Variants in ZNF385D observed in about 807,000 individuals in gnomAD.
The protein encoded by ZNF385D is zinc finger protein 385D.
In ZNF385D, 15 loss-of-function variants were observed where a neutral mutation model predicts 35.8. The ratio of observed to expected loss-of-function variants is 0.42; its 90% confidence interval spans 0.28 to 0.64. ZNF385D has a LOEUF of 0.64. Ranked by LOEUF, ZNF385D falls within the 30% of genes least tolerant of loss-of-function variation. The pLI, the probability that ZNF385D is intolerant of heterozygous loss-of-function variation, is 0.23. For synonymous variants in ZNF385D, 212 were observed against 186.8 expected, an observed-to-expected ratio of 1.13 and a Z score of -1.10; for missense variants, 474 against 494.6, an observed-to-expected ratio of 0.96 and a Z score of 0.39.
intron 3 of ZNF385D, among the ~76,000 whole-genome samples, chr3:22,129,931 G>A (rs1172044120): frequency 1.3e-5 from 2 of 152,094 alleles, no homozygotes; most frequent in African/African-American, 2.4e-5. Context: ...GGTCACACCT[G>A]AAGCCAGCAT....
rs529258143 is a variant in ZNF385D, at chr3:21,546,303, A to G, written c.276+18271T>C. ...CCGGATTGATACTCTAGTTCTGAGC[A>G]ATTATCCTGCAAATCCTATCCGGTG... is the stretch of plus-strand genomic sequence containing the variant. On this transcript the variant is annotated intron_variant, in intron 3 of 7. Transcript: ENST00000281523. Among the ~76,000 whole-genome samples, 108 of 152,236 alleles carry G rather than the reference A, an allele frequency of 7.1e-4. 1 individual carries two copies. The highest frequency in any genetic ancestry group is 2.6e-3 in the African/African-American group (107 of 41,566).
chr3:22,024,986 G>A (rs567903559), intron 3 of ZNF385D, among the ~76,000 whole-genome samples: 12 of 152,254 alleles, frequency 7.9e-5, no homozygotes, highest in Non-Finnish European at 1.6e-4. Context: ...TGGCTGACCT[G>A]AAACAAAAGA....
At chr3:21,619,370 T>G (rs980521737) in intron 2 of ZNF385D, among the ~76,000 whole-genome samples, 5 of 152,058 alleles carry the variant, frequency 3.3e-5, no homozygotes, top group Non-Finnish European at 7.4e-5. Context: ...TACAGAAGAC[T>G]TGAAATGTAA....
intron 3 of ZNF385D, among the ~76,000 whole-genome samples, chr3:21,967,623 G>A (rs1412935384): frequency 6.6e-6 from 1 of 152,156 alleles, no homozygotes; most frequent in Non-Finnish European, 1.5e-5. Context: ...TTTGACATAT[G>A]CCAAGATATG....
At chr3:21,861,801 G>T (rs1697068415) in intron 3 of ZNF385D, among the ~76,000 whole-genome samples, 1 of 152,096 alleles carries the variant, frequency 6.6e-6, no homozygotes, top group African/African-American at 2.4e-5. Context: ...CTCTCACTCA[G>T]TGTCTTTGGT....
chr3:22,151,798 G>A (rs368463696), intron 3 of ZNF385D, among the ~76,000 whole-genome samples: 4 of 152,116 alleles, frequency 2.6e-5, no homozygotes, highest in African/African-American at 4.8e-5. Context: ...ATTAACCACC[G>A]TGAGCCCTTT....
At chr3:21,954,460 G>C (rs1338772769) in intron 3 of ZNF385D, among the ~76,000 whole-genome samples, 1 of 151,946 alleles carries the variant, frequency 6.6e-6, no homozygotes, top group Non-Finnish European at 1.5e-5. Context: ...GTAACACTTA[G>C]AATAACTCCT....
At chr3:22,227,185 G>GT (rs1482928048) in intron 2 of ZNF385D, among the ~76,000 whole-genome samples, 2 of 151,506 alleles carry the variant, frequency 1.3e-5, no homozygotes, top group African/African-American at 4.9e-5. Flanking sequence ...TGTATGTGGG[G>GT]CGGGGGGGGT....
At chr3:22,169,545 CTGGA>C (rs1214606495) in intron 2 of ZNF385D, among the ~76,000 whole-genome samples, 2 of 152,226 alleles carry the variant, frequency 1.3e-5, no homozygotes, top group African/African-American at 4.8e-5. Flanking sequence ...TGACTTACAT[CTGGA>C]TGGACACATT....
intron 2 of ZNF385D, among the ~76,000 whole-genome samples, chr3:22,189,651 G>A (rs1299001332): frequency 1.3e-5 from 2 of 152,084 alleles, no homozygotes; most frequent in African/African-American, 4.8e-5. Context: ...CCTAGAAAGA[G>A]GCATTACAGA....
At chr3:21,844,289 A>T (rs1695862393) in intron 3 of ZNF385D, among the ~76,000 whole-genome samples, 1 of 151,978 alleles carries the variant, frequency 6.6e-6, no homozygotes, top group Non-Finnish European at 1.5e-5. Context: ...ATACAATATC[A>T]TAAGAGTGTT....
intron 2 of ZNF385D, among the ~76,000 whole-genome samples, chr3:22,193,763 T>C (rs1370787980): frequency 6.6e-6 from 1 of 152,038 alleles, no homozygotes; most frequent in African/African-American, 2.4e-5. Flanking sequence ...GTGTTTCATA[T>C]GTTTTGGGAA....
chr3:21,550,032 C>A (rs2125593662), intron 3 of ZNF385D, among the ~76,000 whole-genome samples: 1 of 152,228 alleles, frequency 6.6e-6, no homozygotes, highest in South Asian at 2.1e-4. Flanking sequence ...GAATCCTAAC[C>A]ACTAGACCAC....
chr3:21,750,396 T>C (rs137914055), intron 1 of ZNF385D, among the ~76,000 whole-genome samples: 247 of 152,354 alleles, frequency 1.6e-3, no homozygotes, highest in African/African-American at 5.7e-3. Context: ...TGAGATGATA[T>C]AGAGAAGTGT....
chr3:21,756,643 G>C (rs2070352060), intron 3 of ZNF385D, among the ~76,000 whole-genome samples: 1 of 152,172 alleles, frequency 6.6e-6, no homozygotes, highest in African/African-American at 2.4e-5. Context: ...TAAACACTGA[G>C]TCGTGGGACA....
In ZNF385D at chr3:21,759,529, C is replaced by T. The variant is rs966227156; in HGVS notation, c.326-94501G>A. Reference sequence around the variant, plus strand: ...TACATAAATGTACTTCCAAGTATTTCCAAGGACAGAAATATAATAATATGC... The same window carrying T: ...TACATAAATGTACTTCCAAGTATTTTCAAGGACAGAAATATAATAATATGC... On this transcript the variant is annotated intron_variant, in intron 3 of 5. Transcript: ENST00000494108. Among the ~76,000 whole-genome samples the T allele has an allele frequency of 3.3e-5, 5 of 152,056 alleles. No homozygotes were observed. In the South Asian group the frequency reaches 1.0e-3, roughly 32 times the overall value.
At chr3:22,087,218 G>A (rs1197828342) in intron 3 of ZNF385D, among the ~76,000 whole-genome samples, 1 of 148,758 alleles carries the variant, frequency 6.7e-6, no homozygotes, top group Admixed American at 6.6e-5. Context: ...GTAAAATTAA[G>A]CAATAAACTC....
chr3:21,628,054 C>T (rs548023468), intron 2 of ZNF385D, among the ~76,000 whole-genome samples: 17 of 152,260 alleles, frequency 1.1e-4, no homozygotes, highest in African/African-American at 4.1e-4. Context: ...GAGTTTACTA[C>T]TGACATCAAC....
intron 2 of ZNF385D, among the ~76,000 whole-genome samples, chr3:22,300,766 A>G (rs1220646961): frequency 6.6e-6 from 1 of 152,026 alleles, no homozygotes; most frequent in Non-Finnish European, 1.5e-5. Context: ...TAGAATAGCT[A>G]TTATCAAAAA....
Sources: allele counts gnomAD v4.1 joint callset (sites outside exome capture counted in the v4.1 genomes callset), GRCh38; gene constraint gnomAD v4.1.1; transcripts MANE v1.5; gene names NCBI Gene and HGNC (gene_info 2026-07-23, HGNC 2026-07-21).